Variants in IGDCC3 observed in about 807,000 individuals in gnomAD.
IGDCC3 encodes the protein putative neuronal cell adhesion molecule.
Under a neutral mutation model 72.0 loss-of-function variants are expected in IGDCC3, and 47 were observed. That is an observed-to-expected ratio of 0.65 (90% confidence interval 0.52 to 0.83). IGDCC3 has a LOEUF of 0.83. Among genes scored for constraint, IGDCC3 ranks in the 40% least tolerant of loss-of-function variants. The probability of loss-of-function intolerance (pLI) is 0.00; values close to 1 mark genes in which losing one functional copy is unlikely to be tolerated. For synonymous variants in IGDCC3, 477 were observed against 472.8 expected, an observed-to-expected ratio of 1.01 and a Z score of -0.11; for missense variants, 1,038 against 1,091.3, an observed-to-expected ratio of 0.95 and a Z score of 0.69.
intron 2 of IGDCC3, among the ~76,000 whole-genome samples, chr15:65,353,817 T>C (rs1159157611): frequency 6.6e-6 from 1 of 152,166 alleles, no homozygotes; most frequent in African/African-American, 2.4e-5. Context: ...ATCCACCCCT[T>C]GTTTAGCATA....
intron 2 of IGDCC3, among the ~76,000 whole-genome samples, chr15:65,361,404 T>C (rs2091260188): frequency 6.6e-6 from 1 of 150,868 alleles, no homozygotes; most frequent in Non-Finnish European, 1.5e-5. Context: ...ATCGTGCTGC[T>C]GCACTCCAAC....
chr15:65,353,201 T>TTTCC (rs915798699), intron 2 of IGDCC3, among the ~76,000 whole-genome samples: 47 of 151,848 alleles, frequency 3.1e-4, no homozygotes, highest in South Asian at 6.3e-4. Context: ...TTTTTTTTTT[T>TTTCC]TTCCTTCCTT....
chr15:65,369,530 T>C (rs28422006), intron 2 of IGDCC3, among the ~76,000 whole-genome samples: 18,726 of 152,112 alleles, frequency 0.12, 2,111 homozygotes, highest in East Asian at 0.41. Context: ...GACATGAGGG[T>C]AGGCCTAGGT....
At chr15:65,333,953 A>T (rs1006148298) in intron 5 of IGDCC3, among the ~76,000 whole-genome samples, 3 of 151,790 alleles carry the variant, frequency 2.0e-5, no homozygotes, top group African/African-American at 7.3e-5. Context: ...TGGTGCGGCC[A>T]CTCTTTCCAG....
At chr15:65,361,158 G>A (rs2091257727) in intron 2 of IGDCC3, among the ~76,000 whole-genome samples, 1 of 152,156 alleles carries the variant, frequency 6.6e-6, no homozygotes, top group South Asian at 2.1e-4. Context: ...TACCGGCACA[G>A]TGGCTCAAGC....
rs1339814336 is a variant in IGDCC3, at chr15:65,332,058, C to T, written c.1031G>A (p.Gly344Glu). 2.5e-6 allele frequency: 4 copies of T among 1,614,114 alleles called. No homozygotes were observed. The highest frequency in any genetic ancestry group is 2.5e-6 in the Non-Finnish European group (3 of 1,180,014). ...TTGGCAGGTGAACATGGCTGTGGTCCCAGCTGGCCTGGAGATGGACTGGGG... is the reference window on the plus strand; with the variant it reads ...TTGGCAGGTGAACATGGCTGTGGTCTCAGCTGGCCTGGAGATGGACTGGGG... ...QHPQSISRPA[G>E]TTAMFTCQAQ... Residue 344 changes from glycine to glutamate, a missense_variant, in exon 7 of 14, where the codon GGG (glycine) becomes GAG (glutamate). Transcript: ENST00000327987.
rs752984936 is a variant in IGDCC3, at chr15:65,329,754, G to A, written c.1969C>T (p.Leu657Phe). Residue 657 changes from leucine (L) to phenylalanine (F), a missense_variant, in exon 12 of 14, where the codon CTC becomes TTC. Leu to Phe is a conservative substitution (Grantham distance 22). Transcript: ENST00000327987. The surrounding 1 kb of genome is among the most constrained non-coding windows in gnomAD (Gnocchi z 4.1). ...CCCCTTTGGCCGAACAGGAGGAAGA[G>A]GACACAGAAGATGATGCAAGTGACC... ...IGVTCIIFCV[L>F]FLLFGQRGRV... is the part of the protein sequence containing the mutation. 1 of 1,614,142 alleles carries A rather than the reference G, an allele frequency of 6.2e-7. No individual in the cohort carries two copies. Among genetic ancestry groups the A allele is most frequent in the Admixed American group, 1.7e-5 (1 of 60,014 alleles).
chr15:65,335,152 C>G, intron 4 of IGDCC3, 139 bp downstream of exon 4: 1 of 959,346 alleles, frequency 1.0e-6, no homozygotes. Flanking sequence ...ACCCTCACGC[C>G]AGGCAGCACA....
chr15:65,355,761 T>C (rs764451164), intron 2 of IGDCC3: 48 of 452,728 alleles, frequency 1.1e-4, no homozygotes, highest in Non-Finnish European at 2.0e-4. Context: ...TCCGGCATTG[T>C]GCGCGGCGAA....
At chr15:65,349,952 C>T (rs1049193990) in intron 2 of IGDCC3, among the ~76,000 whole-genome samples, 1 of 152,030 alleles carries the variant, frequency 6.6e-6, no homozygotes, top group African/African-American at 2.4e-5. Flanking sequence ...GGAAGTAAGT[C>T]GTTTATGGTT....
At position 65,369,617 on chromosome 15, in the gene IGDCC3, C is replaced by T. The variant is rs1266826289; in HGVS notation, c.409+5480G>A. 1.2e-4 allele frequency among the ~76,000 whole-genome samples: 18 copies of T among 152,094 alleles called. No homozygotes were observed. The East Asian group carries it at 3.3e-3, about 28-fold the overall frequency. ...GCAGATGTGTGTGTTTGAGGAGCTG[C>T]GGGGGAGACTTCCTCAGGCCTCCCT... On this transcript the variant is annotated intron_variant, in intron 2 of 13. Transcript: ENST00000327987.
Position 65,335,959 on chromosome 15 carries a change from G to A in IGDCC3, c.410-3C>T, listed in dbSNP as rs1215549209. ...ATGCACGTGGAAGTCCGACATGGCT[G>A]GGGGAAGAGAAGTGTATGAGTGCAG... is the stretch of plus-strand genomic sequence containing the variant. On this transcript the variant is annotated splice_region_variant and splice_polypyrimidine_tract_variant and intron_variant, in intron 2 of 13. Transcript: ENST00000327987. 1 of 1,614,050 alleles carries A rather than the reference G, an allele frequency of 6.2e-7. No individual in the cohort carries two copies. Among genetic ancestry groups the A allele is most frequent in the South Asian group, 1.1e-5 (1 of 91,078 alleles).
In IGDCC3 at chr15:65,333,390, G is replaced by A. The variant is rs370197516; in HGVS notation, c.849C>T (p.Gly283=). The change falls in exon 6 of 14, where the codon GGC becomes GGT. Residue 283 remains glycine, a synonymous_variant. Transcript: ENST00000327987. Reference sequence around the variant, plus strand: ...GGTTTCCTGTGCCCAGCACCTGGATGCCCTCCACCCCGATAGGGCGACCAT... The same window carrying A: ...GGTTTCCTGTGCCCAGCACCTGGATACCCTCCACCCCGATAGGGCGACCAT... ...RLDGRPIGVE[G]IQVLGTGNLI... The A allele has an allele frequency of 4.2e-5, 67 of 1,608,816 alleles. No individual in the cohort carries two copies. The highest frequency in any genetic ancestry group is 5.5e-5 in the Non-Finnish European group (65 of 1,177,602).
intron 9 of IGDCC3, 124 bp downstream of exon 9, chr15:65,330,926 A>G (rs191299777): frequency 7.5e-6 from 9 of 1,194,174 alleles, no homozygotes; most frequent in Admixed American, 2.5e-5. Flanking sequence ...AAGTAGACTC[A>G]GCCCTGACAG....
intron 2 of IGDCC3, among the ~76,000 whole-genome samples, chr15:65,357,016 A>AT (rs983976650): frequency 3.3e-5 from 5 of 151,282 alleles, no homozygotes; most frequent in Middle Eastern, 3.4e-3. Flanking sequence ...TGCCCAGCTA[A>AT]TTTTTTTGTG....
chr15:65,377,716 G>T lies in IGDCC3; in HGVS notation c.73C>A (p.Leu25Met), dbSNP rs576557987. Reference sequence around the variant, plus strand: ...CTCGGCGCGGGCAGCAGCAGCAACAGCAGCGGCAGCAGGAGCCGGGGCCAG... The same window carrying T: ...CTCGGCGCGGGCAGCAGCAGCAACATCAGCGGCAGCAGGAGCCGGGGCCAG... ...PLWPRLLLPL[L>M]LLLLPAPSEG... The change falls in exon 1 of 14, where the codon CTG becomes ATG. Residue 25 changes from leucine (L) to methionine (M), a missense_variant. By Grantham distance (15) the Leu-to-Met change is conservative. Transcript: ENST00000327987. The surrounding 1 kb of genome is among the most constrained non-coding windows in gnomAD (Gnocchi z 4.9). 8 of 1,384,002 alleles carry T rather than the reference G, an allele frequency of 5.8e-6. No homozygotes were observed. The African/African-American group carries it at 7.6e-5, about 13-fold the overall frequency. The allele number at this position is 1,384,002 out of a possible 1,614,324, so 85.7% of individuals were successfully genotyped here.
chr15:65,350,882 T>C (rs1187175920), intron 2 of IGDCC3, among the ~76,000 whole-genome samples: 1 of 152,240 alleles, frequency 6.6e-6, no homozygotes, highest in Non-Finnish European at 1.5e-5. Flanking sequence ...TGCTAAGAGT[T>C]AACATTATAA....
At chr15:65,362,893 C>T (rs1331613924) in intron 2 of IGDCC3, among the ~76,000 whole-genome samples, 4 of 135,466 alleles carry the variant, frequency 3.0e-5, no homozygotes, top group Non-Finnish European at 6.2e-5. Flanking sequence ...CTCGCTCTGT[C>T]ACCCAGGCTG....
At chr15:65,371,636 C>T (rs1595766804) in intron 2 of IGDCC3, among the ~76,000 whole-genome samples, 1 of 152,334 alleles carries the variant, frequency 6.6e-6, no homozygotes, top group Non-Finnish European at 1.5e-5. Context: ...TTGGGAAGTC[C>T]TGCACTACAT....
Sources: gnomAD v4.1 joint callset for allele counts (sites outside exome capture counted in the v4.1 genomes callset) on GRCh38, gnomAD v4.1.1 for gene constraint, Gnocchi (gnomAD v3.1) non-coding constraint, MANE v1.5 for transcripts, NCBI Gene and HGNC (gene_info 2026-07-23, HGNC 2026-07-21) for gene names.